Variants in NR3C2 observed in about 807,000 individuals in gnomAD.
The protein encoded by NR3C2 is nuclear receptor subfamily 3 group C member 2, also known as mineralocorticoid receptor.
In NR3C2, 15 loss-of-function variants were observed where a neutral mutation model predicts 86.4. The observed-to-expected ratio is 0.17, with a 90% CI of 0.12 to 0.27. The LOEUF is 0.27. Among genes scored for constraint, NR3C2 ranks in the 10% least tolerant of loss-of-function variants. NR3C2 has a pLI of 1.00. For missense variants in NR3C2, 960 were observed against 1,195.6 expected (o/e 0.80, Z 2.91); for synonymous variants, 458 against 450.5 (o/e 1.02, Z -0.21).
intron 2 of NR3C2, among the ~76,000 whole-genome samples, chr4:148,295,579 T>C (rs1561024768): frequency 6.7e-6 from 1 of 150,102 alleles, no homozygotes; most frequent in Non-Finnish European, 1.5e-5. Flanking sequence ...GCCTAGCCTG[T>C]AAGGCCATGC....
intron 2 of NR3C2, among the ~76,000 whole-genome samples, chr4:148,361,155 A>G (rs878954693): frequency 2.0e-5 from 3 of 152,232 alleles, no homozygotes; most frequent in African/African-American, 4.8e-5. Flanking sequence ...ACCTTCCAGC[A>G]GAAGTTGAGG....
chr4:148,247,247 C>T (rs1384776869), intron 3 of NR3C2, among the ~76,000 whole-genome samples: 1 of 152,184 alleles, frequency 6.6e-6, no homozygotes, highest in African/African-American at 2.4e-5. Context: ...TCTGGTTTTA[C>T]AGAGAATGTG....
chr4:148,355,878 T>G (rs553106454), intron 2 of NR3C2, among the ~76,000 whole-genome samples: 24 of 152,216 alleles, frequency 1.6e-4, no homozygotes, highest in Non-Finnish European at 2.6e-4. Context: ...ACCTGCTACC[T>G]GACCCTGGCC....
At chr4:148,184,852 G>A (rs767707300) in intron 4 of NR3C2, among the ~76,000 whole-genome samples, 11 of 152,102 alleles carry the variant, frequency 7.2e-5, no homozygotes, top group Non-Finnish European at 1.6e-4. Context: ...GGGACATGGT[G>A]GTGCACTAGA....
chr4:148,191,535 C>A (rs909592677), intron 4 of NR3C2, among the ~76,000 whole-genome samples: 1 of 152,188 alleles, frequency 6.6e-6, no homozygotes, highest in Admixed American at 6.5e-5. Context: ...AAGTCTCCTG[C>A]AAGACCGGGG....
At chr4:148,376,312 A>G (rs72656866) in intron 2 of NR3C2, among the ~76,000 whole-genome samples, 4 of 152,148 alleles carry the variant, frequency 2.6e-5, no homozygotes, top group Admixed American at 6.5e-5. Flanking sequence ...AAAAAAAAGA[A>G]TCTGCGCCAC....
chr4:148,278,965 C>T (rs773967487), intron 2 of NR3C2, among the ~76,000 whole-genome samples: 1 of 151,792 alleles, frequency 6.6e-6, no homozygotes, highest in Middle Eastern at 3.2e-3. Flanking sequence ...GAGTTCGAGA[C>T]CAGCCTGGCC....
At chr4:148,228,347 A>G (rs753519340) in intron 3 of NR3C2, among the ~76,000 whole-genome samples, 4 of 152,158 alleles carry the variant, frequency 2.6e-5, no homozygotes, top group Non-Finnish European at 5.9e-5. Flanking sequence ...ATCAACTCAG[A>G]GAAACCTTTC....
intron 4 of NR3C2, among the ~76,000 whole-genome samples, chr4:148,185,019 G>C (rs1735825706): frequency 6.6e-6 from 1 of 152,280 alleles, no homozygotes; most frequent in Non-Finnish European, 1.5e-5. Context: ...AGGATAAAAT[G>C]AGATAATGTG....
chr4:148,358,504 G>A (rs1418385621), intron 2 of NR3C2, among the ~76,000 whole-genome samples: 3 of 151,128 alleles, frequency 2.0e-5, no homozygotes, highest in Non-Finnish European at 4.4e-5. Context: ...GTAGCATTGG[G>A]AGATATACCT....
At position 148,295,447 on chromosome 4, in the gene NR3C2, T is replaced by G. The variant is rs570100393; in HGVS notation, c.1758-35330A>C. On this transcript the variant is annotated intron_variant, in intron 2 of 8. Transcript: ENST00000358102. ...ATCCAGTGCTACCTCTCTGTGTGCA[T>G]GCTACACTCTAGAGACTAAATCCAC... Among the ~76,000 whole-genome samples, 223 of 151,388 alleles carry G rather than the reference T, an allele frequency of 1.5e-3. 1 individual carries two copies. Among genetic ancestry groups the G allele is most frequent in the Middle Eastern group, 3.4e-3 (1 of 294 alleles).
intron 4 of NR3C2, among the ~76,000 whole-genome samples, chr4:148,157,070 C>T (rs71616579): frequency 0.019 from 2,771 of 148,736 alleles, 37 homozygotes; most frequent in Middle Eastern, 0.038. Flanking sequence ...AAACCAAACA[C>T]CGCAGGTTCT....
intron 4 of NR3C2, among the ~76,000 whole-genome samples, chr4:148,161,433 T>G (rs1431023826): frequency 1.3e-5 from 2 of 151,874 alleles, no homozygotes; most frequent in Non-Finnish European, 2.9e-5. Flanking sequence ...CACTGCAACC[T>G]CCGTCTCCTG....
intron 2 of NR3C2, among the ~76,000 whole-genome samples, chr4:148,381,075 A>G (rs1486926597): frequency 6.6e-6 from 1 of 152,058 alleles, no homozygotes; most frequent in African/African-American, 2.4e-5. Context: ...AAAAAATACA[A>G]AAATTAGCCA....
chr4:148,406,359 G>C (rs1053346116), intron 2 of NR3C2, among the ~76,000 whole-genome samples: 1 of 152,110 alleles, frequency 6.6e-6, no homozygotes, highest in African/African-American at 2.4e-5. Flanking sequence ...GGGAATTTAA[G>C]GTCAGAGTTC....
intron 3 of NR3C2, among the ~76,000 whole-genome samples, chr4:148,227,550 T>C (rs1738239525): frequency 6.6e-6 from 1 of 152,212 alleles, no homozygotes; most frequent in Non-Finnish European, 1.5e-5. Flanking sequence ...TTAGCATCCA[T>C]TTATCATTCT....
At chr4:148,323,446 G>T (rs1182191194) in intron 2 of NR3C2, among the ~76,000 whole-genome samples, 1 of 143,270 alleles carries the variant, frequency 7.0e-6, no homozygotes. Flanking sequence ...ACCTAATCAA[G>T]CCTGTGCAAT....
At chr4:148,257,395 T>C (rs1561004001) in intron 3 of NR3C2, among the ~76,000 whole-genome samples, 1 of 152,176 alleles carries the variant, frequency 6.6e-6, no homozygotes, top group Non-Finnish European at 1.5e-5. Flanking sequence ...ATAATTTTCA[T>C]GAACTCAAGA....
At chr4:148,165,660 G>A (rs1003664693) in intron 4 of NR3C2, among the ~76,000 whole-genome samples, 5 of 152,006 alleles carry the variant, frequency 3.3e-5, no homozygotes, top group Admixed American at 6.5e-5. Context: ...CTAATGCTGC[G>A]ATTATAACTG....
Sources: gnomAD v4.1 joint callset for allele counts (sites outside exome capture counted in the v4.1 genomes callset) on GRCh38, gnomAD v4.1.1 for gene constraint, MANE v1.5 for transcripts, NCBI Gene and HGNC (gene_info 2026-07-23, HGNC 2026-07-21) for gene names.